The following MYO5B variants were observed in gnomAD, a reference collection of about 807,000 sequenced individuals.
MYO5B encodes the protein unconventional myosin-Vb.
In MYO5B, 143 loss-of-function variants were observed where a neutral mutation model predicts 229.3. The ratio of observed to expected loss-of-function variants is 0.62; its 90% CI spans 0.54 to 0.72. The LOEUF is 0.72. Ranked by LOEUF, MYO5B falls within the 30% of genes least tolerant of loss-of-function variation. The pLI, the probability that MYO5B is intolerant of heterozygous loss-of-function variation, is 0.00. For missense variants in MYO5B, 2,321 were observed against 2,331.0 expected (o/e 1.00, Z 0.09); for synonymous variants, 918 against 885.2 (o/e 1.04, Z -0.66).
At chr18:49,896,039 C>T (rs540081511) in intron 21 of MYO5B, among the ~76,000 whole-genome samples, 4 of 152,152 alleles carry the variant, frequency 2.6e-5, no homozygotes, top group Admixed American at 6.5e-5. Context: ...TCTGTAGGAG[C>T]GCCAGGCAGA....
chr18:49,992,556 G>T, intron 5 of MYO5B, 125 bp from the exon 6 acceptor site: 1 of 1,377,100 alleles, frequency 7.3e-7, no homozygotes, highest in Non-Finnish European at 1.0e-6. Context: ...CTGTTCTTGG[G>T]ATGACAATGA....
intron 1 of MYO5B, among the ~76,000 whole-genome samples, chr18:50,151,418 C>T (rs2032596260): frequency 6.6e-6 from 1 of 152,252 alleles, no homozygotes; most frequent in East Asian, 1.9e-4. Context: ...TCAGCACCCT[C>T]ATGAAGGGTC....
intron 18 of MYO5B, among the ~76,000 whole-genome samples, chr18:49,907,128 A>AT (rs1488506310): frequency 6.6e-6 from 1 of 152,138 alleles, no homozygotes; most frequent in Non-Finnish European, 1.5e-5. Flanking sequence ...TGCTGGGTAT[A>AT]TCTGAGGATC....
At chr18:50,096,985 T>G (rs1031859542) in intron 1 of MYO5B, among the ~76,000 whole-genome samples, 3 of 152,220 alleles carry the variant, frequency 2.0e-5, no homozygotes, top group Non-Finnish European at 2.9e-5. Flanking sequence ...TCAGTGCTTA[T>G]GCTGGGCCTG....
chr18:50,164,905 T>TG (rs1447941133), intron 1 of MYO5B, among the ~76,000 whole-genome samples: 1 of 152,250 alleles, frequency 6.6e-6, no homozygotes. Flanking sequence ...ATCTCAAGAC[T>TG]GGGAGTGTAT....
At chr18:49,903,708 A>C (rs1222840965) in intron 20 of MYO5B, among the ~76,000 whole-genome samples, 3 of 152,210 alleles carry the variant, frequency 2.0e-5, no homozygotes, top group African/African-American at 7.2e-5. Flanking sequence ...TCATTTAATG[A>C]AAAAGAAAAC....
chr18:49,839,488 T>C (rs1427195040), intron 35 of MYO5B, 194 bp from the exon 36 acceptor site: 4 of 641,366 alleles, frequency 6.2e-6, no homozygotes, highest in African/African-American at 3.6e-5. Context: ...TTGAAGGATG[T>C]AGAAAAACTC....
At chr18:50,073,213 G>T (rs2030999696) in intron 1 of MYO5B, among the ~76,000 whole-genome samples, 1 of 152,100 alleles carries the variant, frequency 6.6e-6, no homozygotes, top group Non-Finnish European at 1.5e-5. Context: ...CTTGTCAAGG[G>T]TCCCCAGATG....
chr18:50,151,188 C>T (rs190177639), intron 1 of MYO5B, among the ~76,000 whole-genome samples: 100 of 152,282 alleles, frequency 6.6e-4, no homozygotes, highest in Admixed American at 1.4e-3. Flanking sequence ...CCCACTCCCA[C>T]AGGAAAAAAC....
chr18:50,135,983 T>C (rs761315541), intron 1 of MYO5B, among the ~76,000 whole-genome samples: 1 of 152,220 alleles, frequency 6.6e-6, no homozygotes, highest in Non-Finnish European at 1.5e-5. Flanking sequence ...TCATCCTATT[T>C]GACAGGTGAG....
intron 4 of MYO5B, among the ~76,000 whole-genome samples, chr18:50,009,134 T>C (rs890342025): frequency 3.3e-5 from 5 of 152,176 alleles, no homozygotes; most frequent in African/African-American, 1.2e-4. Flanking sequence ...TCACAGCACC[T>C]TGGGAGGCTG....
chr18:50,184,948 A>C (rs1249020817), intron 1 of MYO5B, among the ~76,000 whole-genome samples: 1 of 150,634 alleles, frequency 6.6e-6, no homozygotes, highest in Non-Finnish European at 1.5e-5. Flanking sequence ...ATGGTGTCGC[A>C]TGCCTGTTCC....
At position 49,875,843 on chromosome 18, in the gene MYO5B, G is replaced by A. The variant is rs1485593221; in HGVS notation, c.3397-16C>T. On this transcript the variant is annotated splice_polypyrimidine_tract_variant and intron_variant, in intron 25 of 39. Coordinates refer to ENST00000285039, the MANE Select transcript of MYO5B (RefSeq NM_001080467.3). Reference sequence around the variant, plus strand: ...GGCCAATTTCCTTCAAAGGAAGACAGGCACAGAAAAAAGGTTTTCCTAAAT... The same window carrying A: ...GGCCAATTTCCTTCAAAGGAAGACAAGCACAGAAAAAAGGTTTTCCTAAAT... 1.2e-6 allele frequency: 2 copies of A among 1,613,800 alleles called. No individual in the cohort carries two copies. The highest frequency in any genetic ancestry group is 1.7e-5 in the Admixed American group (1 of 60,000).
At position 49,864,280 on chromosome 18, in the gene MYO5B, C is replaced by A; in HGVS notation, c.3704G>T (p.Gly1235Val). The A allele has an allele frequency of 6.2e-7, 1 of 1,614,178 alleles. No homozygotes were observed. The highest frequency in any genetic ancestry group is 8.5e-7 in the Non-Finnish European group (1 of 1,180,042). Residue 1235 changes from glycine (G) to valine (V), a missense_variant, in exon 28 of 40, where the codon GGC becomes GTC. Gly to Val is a moderately radical substitution (Grantham distance 109, BLOSUM62 -3). Around this residue, in one of 2 missense-constraint regions of MYO5B, gnomAD observed 2,113 missense variants for 2,044.7 expected, o/e 1.03. Transcript: ENST00000285039. ...CAGGAGGCTGTAGCTATCTGGGGAG[C>A]CGTGGCTGGAGTTATTCTGCGTGGC... The part of the protein sequence containing the change: ...DQATQNNSSH[G>V]SPDSYSLLLN...
At chr18:50,047,424 A>C (rs970825267) in intron 2 of MYO5B, among the ~76,000 whole-genome samples, 2 of 152,204 alleles carry the variant, frequency 1.3e-5, no homozygotes, top group African/African-American at 4.8e-5. Context: ...GGCAATCATT[A>C]AAAAGTCAGG....
chr18:50,193,557 G>A (rs927305616), intron 1 of MYO5B, among the ~76,000 whole-genome samples: 1 of 152,252 alleles, frequency 6.6e-6, no homozygotes, highest in Non-Finnish European at 1.5e-5. Flanking sequence ...GTAAGGACGC[G>A]GAAGTGACTG....
chr18:50,018,570 CTGTATATCAATTGA>C (rs1211787573), intron 4 of MYO5B, among the ~76,000 whole-genome samples: 2 of 152,164 alleles, frequency 1.3e-5, no homozygotes, highest in Non-Finnish European at 2.9e-5. Flanking sequence ...TAGGCACTTT[CTGTATATCAATTGA>C]TCATCAGAAC....
At chr18:50,107,027 T>A (rs774404058) in intron 1 of MYO5B, among the ~76,000 whole-genome samples, 45 of 148,348 alleles carry the variant, frequency 3.0e-4, no homozygotes, top group Non-Finnish European at 6.0e-4. Context: ...TTATGGGACC[T>A]CCAGCTGCCC....
intron 10 of MYO5B, among the ~76,000 whole-genome samples, chr18:49,963,952 C>T (rs1166529141): frequency 2.6e-5 from 4 of 152,170 alleles, no homozygotes; most frequent in Non-Finnish European, 5.9e-5. Context: ...AGAGGGGACA[C>T]CTTTACTTAA....
Sources: allele counts gnomAD v4.1 joint callset (sites outside exome capture counted in the v4.1 genomes callset), GRCh38; gene constraint gnomAD v4.1.1; regional missense constraint gnomAD v4.1.1; transcripts MANE v1.5; gene names NCBI Gene and HGNC (gene_info 2026-07-23, HGNC 2026-07-21).